Variants in PCDHGC3 observed in about 807,000 individuals in gnomAD.
PCDHGC3 encodes the protein protocadherin gamma subfamily C, 3, also known as protocadherin gamma-C3.
PCDHGC3 carries 26 observed loss-of-function variants against 59.2 expected under a neutral mutation model. The observed-to-expected ratio is 0.44, with a 90% CI of 0.32 to 0.61. The LOEUF (loss-of-function observed/expected upper bound fraction) is 0.61. PCDHGC3 is among the 20% of genes least tolerant of loss of function. PCDHGC3 has a pLI of 0.05. For synonymous variants in PCDHGC3, 487 were observed against 519.7 expected (o/e 0.94, Z 0.86); for missense variants, 1,080 against 1,221.8 (o/e 0.88, Z 1.73).
chr5:141,489,086 G>A lies in PCDHGC3; in HGVS notation c.2431-5721G>A, dbSNP rs2233599. ...CCCCCCTGCCCACCCCCGCCACTCG[G>A]TGACTAAGAACTGCTGCAAGCAGGC... On this transcript the variant is annotated intron_variant, in intron 1 of 3. Coordinates refer to ENST00000308177, the MANE Select transcript of PCDHGC3 (RefSeq NM_002588.4). The surrounding 1 kb of genome is among the most constrained non-coding windows in gnomAD (Gnocchi z 4.5). 2.2e-3 allele frequency: 754 copies of A among 340,206 alleles called. 5 individuals carry two copies. Among genetic ancestry groups the A allele is most frequent in the African/African-American group, 0.018 (712 of 39,726 alleles). 21.1% of individuals were successfully genotyped at this position (340,206 alleles called of 1,614,324 possible).
intron 2 of PCDHGC3, 141 bp downstream of exon 2, chr5:141,495,006 G>C (rs1030195663): frequency 2.0e-6 from 3 of 1,521,446 alleles, no homozygotes; most frequent in Non-Finnish European, 8.8e-7. Flanking sequence ...CTTGGTGTGC[G>C]GGGGGCTGGC....
rs1378140695 is a variant in PCDHGC3, at chr5:141,485,189, A to G, written c.2430+6643A>G. On this transcript the variant is annotated intron_variant, in intron 1 of 3. Transcript: ENST00000308177. The surrounding 1 kb of genome is among the most constrained non-coding windows in gnomAD (Gnocchi z 5.7). ...GGCGGCAGCAATGCTCCGCAAGGTGAGAAGCTGGACAGAAATCTGGCGGTG... is the reference window on the plus strand; with the variant it reads ...GGCGGCAGCAATGCTCCGCAAGGTGGGAAGCTGGACAGAAATCTGGCGGTG... 1 of 1,613,726 alleles carries G rather than the reference A, an allele frequency of 6.2e-7. No homozygotes were observed. The highest frequency in any genetic ancestry group is 1.7e-5 in the Admixed American group (1 of 60,020).
chr5:141,493,440 G>A lies in PCDHGC3; in HGVS notation c.2431-1367G>A, dbSNP rs2099748297. The stretch of plus-strand genomic sequence containing the variant: ...TTTTGCTTCTGCTGGGATGGGGCAA[G>A]GGTGGGGTTCCTTCCCTTTTAGGAC... On this transcript the variant is annotated intron_variant, in intron 1 of 3. Coordinates refer to ENST00000308177, the MANE Select transcript of PCDHGC3 (RefSeq NM_002588.4). The surrounding 1 kb of genome is among the most constrained non-coding windows in gnomAD (Gnocchi z 4.3). Among the ~76,000 whole-genome samples, 1 of 152,208 alleles carries A rather than the reference G, an allele frequency of 6.6e-6. No homozygotes were observed. Among genetic ancestry groups the A allele is most frequent in the African/African-American group, 2.4e-5 (1 of 41,450 alleles).
intron 1 of PCDHGC3, among the ~76,000 whole-genome samples, chr5:141,484,720 G>A (rs1458277947): frequency 2.6e-5 from 4 of 151,988 alleles, no homozygotes; most frequent in African/African-American, 7.2e-5. Flanking sequence ...GAAAAGGGGC[G>A]GGGTCAGTCG....
Position 141,477,553 on chromosome 5 carries a change from A to G in PCDHGC3, c.1437A>G (p.Leu479=). The part of the protein sequence containing the change: ...NNLPGAPILN[L]SVWDPDAPQN... ...TCCCCGGGGCTCCAATACTAAACCTAAGTGTCTGGGACCCCGACGCCCCGC... is the reference window on the plus strand; with the variant it reads ...TCCCCGGGGCTCCAATACTAAACCTGAGTGTCTGGGACCCCGACGCCCCGC... The change falls in exon 1 of 4, where the codon CTA becomes CTG. Residue 479 remains leucine, a synonymous_variant. Transcript: ENST00000308177. This position sits in a 1 kb window ranked among gnomAD's most constrained non-coding sequence, Gnocchi z 4.9. 5 of 1,614,090 alleles carry G rather than the reference A, an allele frequency of 3.1e-6. No individual in the cohort carries two copies. The highest frequency in any genetic ancestry group is 4.2e-6 in the Non-Finnish European group (5 of 1,180,020).
chr5:141,488,170 T>C (rs554585709), intron 1 of PCDHGC3, among the ~76,000 whole-genome samples: 2 of 152,318 alleles, frequency 1.3e-5, no homozygotes, highest in African/African-American at 2.4e-5. Context: ...ATCAGAGTGG[T>C]GGCATAGATC....
chr5:141,489,375 G>T lies in PCDHGC3; in HGVS notation c.2431-5432G>T. 6.2e-7 allele frequency: 1 copy of T among 1,613,826 alleles called. No homozygotes were observed. Among genetic ancestry groups the T allele is most frequent in the Non-Finnish European group, 8.5e-7 (1 of 1,179,724 alleles). On this transcript the variant is annotated intron_variant, in intron 1 of 3. Transcript: ENST00000308177. This position sits in a 1 kb window ranked among gnomAD's most constrained non-coding sequence, Gnocchi z 4.5. ...AGGAGTCTGAGCCGGGGACGCTGGT[G>T]GGGAATGTTGCTCAGGATCTGGGCT...
At chr5:141,507,865 T>C (rs2099864402) in intron 3 of PCDHGC3, among the ~76,000 whole-genome samples, 1 of 152,128 alleles carries the variant, frequency 6.6e-6, no homozygotes. Context: ...CACACCCGCT[T>C]CCTAGCCCTG....
In PCDHGC3 at chr5:141,485,896, C is replaced by T; in HGVS notation, c.2430+7350C>T. On this transcript the variant is annotated intron_variant, in intron 1 of 3. Coordinates refer to ENST00000308177, the MANE Select transcript of PCDHGC3 (RefSeq NM_002588.4). The surrounding 1 kb of genome is among the most constrained non-coding windows in gnomAD (Gnocchi z 5.7). ...TGGACGTAAACGACAACGCCCCAGC[C>T]TTCCAGCAATCCAGCTACAGGATTA... 6.2e-7 allele frequency: 1 copy of T among 1,614,190 alleles called. No individual in the cohort carries two copies. The highest frequency in any genetic ancestry group is 8.5e-7 in the Non-Finnish European group (1 of 1,180,042).
intron 2 of PCDHGC3, among the ~76,000 whole-genome samples, chr5:141,497,671 C>T (rs1026356633): frequency 6.6e-5 from 10 of 151,878 alleles, no homozygotes; most frequent in African/African-American, 2.4e-4. Flanking sequence ...TCCCGAGTAG[C>T]TGGGACAGCA....
chr5:141,494,752 T>C (rs889400984), intron 1 of PCDHGC3, 55 bp from the exon 2 acceptor site: 18 of 1,612,206 alleles, frequency 1.1e-5, no homozygotes, highest in Non-Finnish European at 1.5e-5. Context: ...GGGGCTCGGG[T>C]GACATTCTAA....
Position 141,486,639 on chromosome 5 carries a change from T to G in PCDHGC3, c.2430+8093T>G, listed in dbSNP as rs1250700423. ...GACCCAGACTCTGGCTTGAATGCGC[T>G]TATCTCCTACTCACTCCTGGAGCCC... On this transcript the variant is annotated intron_variant, in intron 1 of 3. Transcript: ENST00000308177. The surrounding 1 kb of genome is among the most constrained non-coding windows in gnomAD (Gnocchi z 5.0). The G allele has an allele frequency of 6.2e-7, 1 of 1,613,818 alleles. No individual in the cohort carries two copies. The highest frequency in any genetic ancestry group is 1.1e-5 in the South Asian group (1 of 91,084).
chr5:141,498,306 A>C (rs2099783027), intron 2 of PCDHGC3, among the ~76,000 whole-genome samples: 1 of 151,810 alleles, frequency 6.6e-6, no homozygotes, highest in African/African-American at 2.4e-5. Flanking sequence ...TCTGGGTCAC[A>C]CTGCCTACAC....
intron 3 of PCDHGC3, among the ~76,000 whole-genome samples, chr5:141,510,227 C>T (rs1010123412): frequency 1.3e-5 from 2 of 150,454 alleles, no homozygotes; most frequent in African/African-American, 2.5e-5. Context: ...GAGCCGGGAT[C>T]GCGCCACTGC....
chr5:141,502,028 G>A (rs561260963), intron 2 of PCDHGC3, among the ~76,000 whole-genome samples: 62 of 152,150 alleles, frequency 4.1e-4, no homozygotes, highest in African/African-American at 1.5e-3. Flanking sequence ...TGCAACCCCC[G>A]CCGCTTGCCT....
In PCDHGC3 at chr5:141,486,172, T is replaced by C; in HGVS notation, c.2430+7626T>C. ...GGGGTTCTCCAGCCATGGAGCAACA[T>C]TGCAGCCTTCGAGTGGATCTGCTGG... On this transcript the variant is annotated intron_variant, in intron 1 of 3. Transcript: ENST00000308177. The surrounding 1 kb of genome is among the most constrained non-coding windows in gnomAD (Gnocchi z 5.0). 3 of 1,614,212 alleles carry C rather than the reference T, an allele frequency of 1.9e-6. No homozygotes were observed. Among genetic ancestry groups the C allele is most frequent in the Admixed American group, 1.7e-5 (1 of 60,036 alleles).
Position 141,491,713 on chromosome 5 carries a change from G to T in PCDHGC3, c.2431-3094G>T. The T allele has an allele frequency of 6.2e-7, 1 of 1,609,174 alleles. No individual in the cohort carries two copies. The highest frequency in any genetic ancestry group is 8.5e-7 in the Non-Finnish European group (1 of 1,178,054). On this transcript the variant is annotated intron_variant, in intron 1 of 3. Transcript: ENST00000308177. The surrounding 1 kb of genome is among the most constrained non-coding windows in gnomAD (Gnocchi z 6.9). ...GGAGCGGAGCCAGGTGAGGGGCTCG[G>T]CGCCGCCCCGGGCGACCCCTGGGGG...
At chr5:141,502,216 A>G (rs957759583) in intron 2 of PCDHGC3, among the ~76,000 whole-genome samples, 3 of 152,334 alleles carry the variant, frequency 2.0e-5, no homozygotes, top group Admixed American at 6.5e-5. Context: ...GCAGATTTTC[A>G]TAAATGTTCT....
intron 2 of PCDHGC3, among the ~76,000 whole-genome samples, chr5:141,502,139 C>T (rs923501238): frequency 6.6e-6 from 1 of 152,104 alleles, no homozygotes; most frequent in African/African-American, 2.4e-5. Flanking sequence ...TCAGTCGGGC[C>T]GGAAGTAAGG....
Sources: allele counts gnomAD v4.1 joint callset (sites outside exome capture counted in the v4.1 genomes callset), GRCh38; gene constraint gnomAD v4.1.1; non-coding constraint Gnocchi (gnomAD v3.1); transcripts MANE v1.5; gene names NCBI Gene and HGNC (gene_info 2026-07-23, HGNC 2026-07-21).